Variants in CCT2 observed in about 807,000 individuals in gnomAD.
The protein encoded by CCT2 is T-complex protein 1 subunit beta.
In CCT2, 18 loss-of-function variants were observed where a neutral mutation model predicts 61.8. That is an observed-to-expected ratio of 0.29 (90% CI 0.20 to 0.43). The LOEUF is 0.43. Among genes scored for constraint, CCT2 ranks in the 20% least tolerant of loss-of-function variants. The probability of loss-of-function intolerance (pLI) is 1.00; values close to 1 mark genes in which losing one functional copy is unlikely to be tolerated. For missense variants in CCT2, 556 were observed against 656.9 expected, an observed-to-expected ratio of 0.85 and a Z score of 1.68; for synonymous variants, 248 against 215.9, an observed-to-expected ratio of 1.15 and a Z score of -1.30.
chr12:69,585,499 T>C lies in CCT2; in HGVS notation c.-23T>C. On this transcript the variant is annotated 5_prime_UTR_variant, in exon 1 of 16. Coordinates refer to ENST00000299300, the MANE Select transcript of CCT2 (RefSeq NM_006431.3). ...AGCACGAGCTGTGAGGGGATTCACTTGTGTGCGGAACTCCTCGGAACCATG... is the reference window on the plus strand; with the variant it reads ...AGCACGAGCTGTGAGGGGATTCACTCGTGTGCGGAACTCCTCGGAACCATG... The C allele has an allele frequency of 6.4e-7, 1 of 1,564,288 alleles. No individual in the cohort carries two copies. Among genetic ancestry groups the C allele is most frequent in the East Asian group, 2.4e-5 (1 of 42,238 alleles).
At chr12:69,598,801 A>T (rs1882068629) in intron 14 of CCT2, among the ~76,000 whole-genome samples, 1 of 152,258 alleles carries the variant, frequency 6.6e-6, no homozygotes, top group Admixed American at 6.5e-5. Flanking sequence ...TACAGATCAC[A>T]GATCTCTAGT....
chr12:69,587,119 A>G (rs1036479478), intron 3 of CCT2: 2 of 332,896 alleles, frequency 6.0e-6, no homozygotes, highest in Non-Finnish European at 5.4e-6. Flanking sequence ...TAAAACAGAT[A>G]CTATTTATCA....
At position 69,588,680 on chromosome 12, in the gene CCT2, C is replaced by T. The variant is rs183297656; in HGVS notation, c.446+418C>T. On this transcript the variant is annotated intron_variant, in intron 6 of 15. Coordinates refer to ENST00000299300, the MANE Select transcript of CCT2 (RefSeq NM_006431.3). ...GATGATTTTTAGCATTATAAAATAACTTTGTGACGTTGCGACATAGCCCAA... is the reference window on the plus strand; with the variant it reads ...GATGATTTTTAGCATTATAAAATAATTTTGTGACGTTGCGACATAGCCCAA... Among the ~76,000 whole-genome samples the T allele has an allele frequency of 2.9e-3, 436 of 152,208 alleles. 3 individuals carry two copies. Among genetic ancestry groups the T allele is most frequent in the Non-Finnish European group, 2.0e-3 (139 of 68,004 alleles).
In CCT2 at chr12:69,587,425, C is replaced by T; in HGVS notation, c.145-80C>T. 4 of 810,590 alleles carry T rather than the reference C, an allele frequency of 4.9e-6. 1 individual carries two copies. The highest frequency in any genetic ancestry group is 4.5e-5 in the South Asian group (3 of 66,224). 50.2% of individuals were successfully genotyped at this position (810,590 alleles called of 1,614,324 possible). On this transcript the variant is annotated intron_variant, in intron 3 of 15. Coordinates refer to ENST00000299300, the MANE Select transcript of CCT2 (RefSeq NM_006431.3). ...TATCCAGAGTGTTTATACACTAGCA[C>T]TGTGTGAGAATACTGATTGATCCAT...
intron 10 of CCT2, among the ~76,000 whole-genome samples, chr12:69,594,130 C>A (rs1881918045): frequency 6.7e-6 from 1 of 149,984 alleles, no homozygotes; most frequent in Admixed American, 6.6e-5. Flanking sequence ...CACAGTGAGA[C>A]CCTGTCTCAA....
intron 3 of CCT2, 154 bp downstream of exon 3, chr12:69,586,972 A>G: frequency 1.9e-6 from 1 of 518,316 alleles, no homozygotes; most frequent in South Asian, 3.1e-5. Flanking sequence ...AGTCCCCAGA[A>G]TCACCATCCC....
chr12:69,586,272 G>A lies in CCT2; in HGVS notation c.6G>A (p.Ala2=). M[A]SLSLAPVNIF... is the part of the protein sequence containing the mutation. The stretch of plus-strand genomic sequence containing the variant: ...TGCCTCTTGGTTTTCCTTTTCAGGC[G>A]TCCCTTTCCCTTGCACCTGTTAACA... Residue 2 remains alanine, a splice_region_variant and synonymous_variant, in exon 2 of 16, where the codon GCG becomes GCA. Transcript: ENST00000299300. The A allele has an allele frequency of 6.2e-7, 1 of 1,611,936 alleles. No individual in the cohort carries two copies. Among genetic ancestry groups the A allele is most frequent in the Non-Finnish European group, 8.5e-7 (1 of 1,178,024 alleles).
intron 1 of CCT2, chr12:69,585,997 C>G: frequency 2.2e-6 from 3 of 1,342,594 alleles, no homozygotes; most frequent in Non-Finnish European, 2.9e-6. Flanking sequence ...TCAAGATCGT[C>G]TTTAGTCTCG....
At chr12:69,594,947 GT>G (rs1233728174) in intron 10 of CCT2, among the ~76,000 whole-genome samples, 6 of 152,020 alleles carry the variant, frequency 3.9e-5, no homozygotes, top group African/African-American at 9.7e-5. Context: ...TATAAGTATA[GT>G]TTTGTTAATG....
chr12:69,600,749 A>G (rs185915360), intron 15 of CCT2, among the ~76,000 whole-genome samples: 1 of 152,272 alleles, frequency 6.6e-6, no homozygotes, highest in East Asian at 1.9e-4. Flanking sequence ...AAGCTTCTTC[A>G]GCTTCTCGTA....
At chr12:69,590,362 T>A (rs752813323) in intron 7 of CCT2, among the ~76,000 whole-genome samples, 41 of 152,256 alleles carry the variant, frequency 2.7e-4, no homozygotes, top group Non-Finnish European at 5.1e-4. Flanking sequence ...TTAAAAAAAA[T>A]TTCTTTAACA....
chr12:69,594,199 C>T (rs1474846248), intron 10 of CCT2, among the ~76,000 whole-genome samples: 1 of 151,510 alleles, frequency 6.6e-6, no homozygotes, highest in Non-Finnish European at 1.5e-5. Context: ...TTGTTAAAAT[C>T]TGAACAAACT....
At chr12:69,587,650 A>G (rs772110300) in intron 4 of CCT2, 34 bp downstream of exon 4, 2 of 1,296,868 alleles carry the variant, frequency 1.5e-6, no homozygotes, top group Non-Finnish European at 2.2e-6. Context: ...CCAACCTAAT[A>G]ATACTGTTTG....
rs375160132 is a variant in CCT2 at position 69,585,471 on chromosome 12, C to T, written c.-51C>T. On this transcript the variant is annotated 5_prime_UTR_variant, in exon 1 of 16. Transcript: ENST00000299300. Reference sequence around the variant, plus strand: ...TCCGGCTTCCTTCAGTCCGCTGGTCCCGAGCACGAGCTGTGAGGGGATTCA... The same window carrying T: ...TCCGGCTTCCTTCAGTCCGCTGGTCTCGAGCACGAGCTGTGAGGGGATTCA... 1.9e-6 allele frequency: 3 copies of T among 1,553,908 alleles called. No homozygotes were observed. The highest frequency in any genetic ancestry group is 4.8e-5 in the East Asian group (2 of 41,324).
Position 69,589,861 on chromosome 12 carries a change from C to T in CCT2, c.649+174C>T, listed in dbSNP as rs148876309. 1,332 of 599,932 alleles carry T rather than the reference C, an allele frequency of 2.2e-3. 13 individuals are homozygous for T. Among genetic ancestry groups the T allele is most frequent in the African/African-American group, 0.022 (1,167 of 53,922 alleles). The allele number at this position is 599,932 out of a possible 1,614,324, so 37.2% of individuals were successfully genotyped here. On this transcript the variant is annotated intron_variant, in intron 7 of 15. Coordinates refer to ENST00000299300, the MANE Select transcript of CCT2 (RefSeq NM_006431.3). The stretch of plus-strand genomic sequence containing the variant: ...TATTGACAGTGTACTCCTCTTCCCG[C>T]GCTATTCCAGCATTGTTGATGATCT...
chr12:69,589,220 C>A (rs548983996), intron 6 of CCT2: 2 of 471,464 alleles, frequency 4.2e-6, no homozygotes, highest in South Asian at 2.2e-5. Flanking sequence ...CCACTGTGCC[C>A]GGCCATTTCT....
At chr12:69,593,807 G>T (rs533568733) in intron 10 of CCT2, among the ~76,000 whole-genome samples, 194 bp downstream of exon 10, 1 of 152,226 alleles carries the variant, frequency 6.6e-6, no homozygotes, top group South Asian at 2.1e-4. Flanking sequence ...CACATTTGCC[G>T]TAGGTATAGA....
At chr12:69,599,542 C>T (rs1882088820) in intron 14 of CCT2, among the ~76,000 whole-genome samples, 1 of 152,008 alleles carries the variant, frequency 6.6e-6, no homozygotes, top group Non-Finnish European at 1.5e-5. Context: ...TGCCCACCAC[C>T]ATGCCCGGCT....
chr12:69,585,810 G>C (rs1422301669), intron 1 of CCT2: 23 of 1,360,076 alleles, frequency 1.7e-5, no homozygotes, highest in Non-Finnish European at 2.1e-5. Flanking sequence ...GAAATTTCTA[G>C]TGTGGGACCC....
Sources: allele counts gnomAD v4.1 joint callset (sites outside exome capture counted in the v4.1 genomes callset), GRCh38; gene constraint gnomAD v4.1.1; transcripts MANE v1.5; gene names NCBI Gene and HGNC (gene_info 2026-07-23, HGNC 2026-07-21).